The following CIT variants were observed in gnomAD, a reference collection of about 807,000 sequenced individuals.
The protein encoded by CIT is citron rho-interacting serine/threonine kinase, also known as citron Rho-interacting kinase.
CIT carries 79 observed loss-of-function variants against 272.7 expected under a neutral mutation model. That is an observed-to-expected ratio of 0.29 (90% CI 0.24 to 0.35). The LOEUF (loss-of-function observed/expected upper bound fraction) is 0.35, where lower values mean the gene tolerates loss of function less well. CIT is among the 10% of genes least tolerant of loss of function. CIT has a pLI of 1.00. For missense variants in CIT, 1,909 were observed against 2,618.3 expected, an observed-to-expected ratio of 0.73 and a Z score of 5.91; for synonymous variants, 948 against 995.6, an observed-to-expected ratio of 0.95 and a Z score of 0.90.
rs143729208 is a variant in CIT, at chr12:119,756,612, T to C, written c.2706+759A>G. On this transcript the variant is annotated intron_variant, in intron 22 of 47. Transcript: ENST00000392521. ...TGCAGGGAGAGTAGTCTTCCATCTT[T>C]TGGAGCATTGCAGGGAGAGTAGCCT... Among the ~76,000 whole-genome samples, 624 of 152,258 alleles carry C rather than the reference T, an allele frequency of 4.1e-3. 3 individuals are homozygous for C. Among genetic ancestry groups the C allele is most frequent in the African/African-American group, 0.014 (601 of 41,556 alleles).
chr12:119,727,931 A>AC (rs1958206576), intron 28 of CIT, among the ~76,000 whole-genome samples: 1 of 152,162 alleles, frequency 6.6e-6, no homozygotes, highest in African/African-American at 2.4e-5. Context: ...CCAAAAAAAA[A>AC]AAAAGACTCC....
At chr12:119,692,499 G>C (rs1303638069) in intron 46 of CIT, among the ~76,000 whole-genome samples, 2 of 152,202 alleles carry the variant, frequency 1.3e-5, no homozygotes, top group Admixed American at 1.3e-4. Context: ...TGGAAGGAGA[G>C]ACTCTAGAAC....
Position 119,708,296 on chromosome 12 carries a change from A to G in CIT, c.5094T>C (p.Leu1698=). The change falls in exon 40 of 48, where the codon CTT becomes CTC. Residue 1698 remains leucine, a synonymous_variant. Transcript: ENST00000392521. ...ACTGTTTCACTTTCTTCACGTCCAC[A>G]AGACACAGTGCCCGCTCTTCTCCTG... is the stretch of plus-strand genomic sequence containing the variant. ...MIAGEERALC[L]VDVKKVKQSL... The G allele has an allele frequency of 3.7e-6, 6 of 1,601,748 alleles. No individual in the cohort carries two copies. Among genetic ancestry groups the G allele is most frequent in the Non-Finnish European group, 5.1e-6 (6 of 1,174,512 alleles).
Position 119,776,362 on chromosome 12 carries a change from T to C in CIT, c.1883A>G (p.Glu628Gly), listed in dbSNP as rs762075457. The change falls in exon 15 of 48, where the codon GAG becomes GGG. Residue 628 changes from glutamate to glycine, a missense_variant. Coordinates refer to ENST00000392521, the MANE Select transcript of CIT (RefSeq NM_001206999.2). The part of the protein sequence containing the change: ...KPEVGEYAKL[E>G]KINAEQQLKI... Reference sequence around the variant, plus strand: ...AACCAATCATGGAAAGTATACCTTCTCCAGTTTCGCATATTCTCCCACTTC... The same window carrying C: ...AACCAATCATGGAAAGTATACCTTCCCCAGTTTCGCATATTCTCCCACTTC... The C allele has an allele frequency of 3.1e-6, 5 of 1,613,032 alleles. No homozygotes were observed. The Admixed American group carries it at 8.3e-5, about 27-fold the overall frequency.
chr12:119,732,643 T>C (rs1406718691), intron 26 of CIT, among the ~76,000 whole-genome samples: 1 of 152,204 alleles, frequency 6.6e-6, no homozygotes, highest in Non-Finnish European at 1.5e-5. Flanking sequence ...CCTCCAAACT[T>C]TTGGAGCTCA....
intron 29 of CIT, 27 bp downstream of exon 29, chr12:119,721,282 A>G: frequency 6.3e-7 from 1 of 1,579,654 alleles, no homozygotes; most frequent in Non-Finnish European, 8.7e-7. Context: ...GACCATTTTT[A>G]AGCAGATTCC....
chr12:119,774,139 G>A (rs532345159), intron 16 of CIT, among the ~76,000 whole-genome samples: 8 of 152,238 alleles, frequency 5.3e-5, no homozygotes, highest in Non-Finnish European at 1.2e-4. Context: ...GTAGGGGGAT[G>A]AGAGGAATTC....
chr12:119,861,584 T>C (rs1182625767), intron 3 of CIT, among the ~76,000 whole-genome samples: 4 of 148,306 alleles, frequency 2.7e-5, no homozygotes, highest in Admixed American at 1.3e-4. Context: ...CGAAACTCCA[T>C]CTCAAAAAAA....
rs760427459 is a variant in CIT at position 119,825,351 on chromosome 12, C to A, written c.771G>T (p.Pro257=). The A allele has an allele frequency of 6.8e-6, 11 of 1,613,930 alleles. No individual in the cohort carries two copies. The highest frequency in any genetic ancestry group is 8.5e-6 in the Non-Finnish European group (10 of 1,179,968). Residue 257 remains proline, a synonymous_variant, in exon 8 of 48, where the codon CCG becomes CCT. Transcript: ENST00000392521. ...GAGCCATGTAATCTGGGGTCCCAAT[C>A]GGGAGTTTGGCATTCACCTAGAATC... is the stretch of plus-strand genomic sequence containing the variant. ...NSNKMVNAKL[P]IGTPDYMAPE...
At chr12:119,736,015 T>C (rs1196723300) in intron 24 of CIT, among the ~76,000 whole-genome samples, 2 of 152,236 alleles carry the variant, frequency 1.3e-5, no homozygotes, top group African/African-American at 4.8e-5. Flanking sequence ...TATATGAAAT[T>C]GTTATTTTAT....
rs1039130516 is a variant in CIT at position 119,697,783 on chromosome 12, T to C, written c.5758A>G (p.Ile1920Val). 5.6e-6 allele frequency: 9 copies of C among 1,614,012 alleles called. No homozygotes were observed. Among genetic ancestry groups the C allele is most frequent in the Non-Finnish European group, 7.6e-6 (9 of 1,180,042 alleles). ...IPNPRYLGPA[I>V]SSGAIYLASS... ...GCCAAGTAAATCGCTCCTGAGGAAA[T>C]GGCAGGGCCCAGGTAGCGCGGGTTC... The change falls in exon 46 of 48, where the codon ATT becomes GTT. Residue 1920 changes from isoleucine to valine, a missense_variant. Transcript: ENST00000392521. This position sits in a 1 kb window ranked among gnomAD's most constrained non-coding sequence, Gnocchi z 4.9.
chr12:119,845,780 T>C (rs1255248969), intron 5 of CIT, among the ~76,000 whole-genome samples: 1 of 150,478 alleles, frequency 6.6e-6, no homozygotes, highest in Admixed American at 6.6e-5. Context: ...TGAAACCCCA[T>C]CTCTACTGAA....
At chr12:119,829,344 A>AAGAAGAGAAGAGAAGAGAAGAGAAG (rs58685524) in intron 7 of CIT, among the ~76,000 whole-genome samples, 4,750 of 133,376 alleles carry the variant, frequency 0.036, 145 homozygotes, top group African/African-American at 0.049. Flanking sequence ...CTTGAAAGAA[A>AAGAAGAGAAGAGAAGAGAAGAGAAG]AGAAGAGAAG....
At chr12:119,724,258 CAG>C (rs1325055288) in intron 28 of CIT, among the ~76,000 whole-genome samples, 1 of 152,140 alleles carries the variant, frequency 6.6e-6, no homozygotes, top group African/African-American at 2.4e-5. Flanking sequence ...TTCATGTACT[CAG>C]AGAGTCAGTC....
chr12:119,714,161 A>C (rs1167621528), intron 33 of CIT, 36 bp downstream of exon 33: 1 of 1,608,958 alleles, frequency 6.2e-7, no homozygotes, highest in South Asian at 1.1e-5. Context: ...GGAGATGCAC[A>C]GGTGCCCAGC....
rs1019054289 is a variant in CIT, at chr12:119,730,407, T to C, written c.3486+88A>G. 16 of 1,387,066 alleles carry C rather than the reference T, an allele frequency of 1.2e-5. No individual in the cohort carries two copies. In the African/African-American group the frequency reaches 2.2e-4, roughly 19 times the overall value. 85.9% of individuals were successfully genotyped at this position (1,387,066 alleles called of 1,614,324 possible). A position where few individuals can be genotyped will look rare whatever the true frequency, so the allele number is the denominator to read the frequency against. On this transcript the variant is annotated intron_variant, in intron 27 of 47. Transcript: ENST00000392521. ...ATATGTTTATGAAATATGTTTGCCA[T>C]GGATTGCATTTGAATTTTTATCAAG...
rs373509610 is a variant in CIT, at chr12:119,718,241, G to A, written c.4168+4C>T. ...AAAGAAATTTCCATACAACTCCAAC[G>A]TACCCTCTGGAGTTGAAGACTCCTT... On this transcript the variant is annotated splice_donor_region_variant and intron_variant, in intron 32 of 47. Coordinates refer to ENST00000392521, the MANE Select transcript of CIT (RefSeq NM_001206999.2). This position sits in a 1 kb window ranked among gnomAD's most constrained non-coding sequence, Gnocchi z 4.8. 19 of 1,607,836 alleles carry A rather than the reference G, an allele frequency of 1.2e-5. No homozygotes were observed. In the African/African-American group the frequency reaches 1.5e-4, roughly 12 times the overall value.
intron 23 of CIT, among the ~76,000 whole-genome samples, chr12:119,747,125 A>G (rs1959533811): frequency 6.6e-6 from 1 of 152,186 alleles, no homozygotes; most frequent in South Asian, 2.1e-4. Flanking sequence ...GCAACATTAG[A>G]AATTAAGACT....
rs80282730 is a variant in CIT, at chr12:119,876,365, G to A, written c.-13-184C>T. Among the ~76,000 whole-genome samples the A allele has an allele frequency of 8.2e-3, 1,243 of 152,184 alleles. 14 individuals carry two copies. Among genetic ancestry groups the A allele is most frequent in the African/African-American group, 0.028 (1,174 of 41,518 alleles). The stretch of plus-strand genomic sequence containing the variant: ...ATTTTAACTCACTGTGACAGGAGAT[G>A]ATACACTTATCTGACATACTCTCTT... On this transcript the variant is annotated intron_variant, in intron 1 of 47. Transcript: ENST00000392521.
Sources: allele counts gnomAD v4.1 joint callset (sites outside exome capture counted in the v4.1 genomes callset), GRCh38; gene constraint gnomAD v4.1.1; non-coding constraint Gnocchi (gnomAD v3.1); transcripts MANE v1.5; gene names NCBI Gene and HGNC (gene_info 2026-07-23, HGNC 2026-07-21).